AKR1C8: variants seen among roughly 807,000 people sequenced by gnomAD.
The protein encoded by AKR1C8 is aldo-keto reductase family 1 member C8, also known as aldo-keto reductase family 1 member C-like protein 1.
At chr10:5,150,119 C>T in the AKR1C8 span, among the ~76,000 whole-genome samples, 10 of 151,350 alleles carry the variant, frequency 6.6e-5, no homozygotes, top group Non-Finnish European at 2.9e-5. Flanking sequence ...TAGCTCTTCA[C>T]TGAGGGGATT....
the AKR1C8 span, among the ~76,000 whole-genome samples, chr10:5,144,172 T>G: frequency 2.0e-5 from 3 of 152,128 alleles, no homozygotes; most frequent in Non-Finnish European, 4.4e-5. Flanking sequence ...TTGTCAAAGA[T>G]CAGATAGTTG....
the AKR1C8 span, among the ~76,000 whole-genome samples, chr10:5,153,291 G>T: frequency 6.6e-6 from 1 of 152,094 alleles, no homozygotes; most frequent in African/African-American, 2.4e-5. Context: ...CGAAATGTGG[G>T]TAGATGATTA....
the AKR1C8 span, among the ~76,000 whole-genome samples, chr10:5,177,959 T>C: frequency 1.3e-5 from 2 of 152,140 alleles, no homozygotes; most frequent in Non-Finnish European, 2.9e-5. Context: ...TTTTGAAGGG[T>C]TTTTTGTGTC....
chr10:5,142,038 T>C, the AKR1C8 span, among the ~76,000 whole-genome samples: 1,259 of 152,266 alleles, frequency 8.3e-3, 14 homozygotes, highest in African/African-American at 0.029. Flanking sequence ...GTCGCTTTCA[T>C]TAATGATCTT....
chr10:5,171,651 T>C, the AKR1C8 span, among the ~76,000 whole-genome samples: 2 of 152,080 alleles, frequency 1.3e-5, no homozygotes, highest in Non-Finnish European at 2.9e-5. Context: ...AGACTCTTTT[T>C]AACCCTTTAT....
At chr10:5,163,731 G>A in the AKR1C8 span, among the ~76,000 whole-genome samples, 1 of 152,058 alleles carries the variant, frequency 6.6e-6, no homozygotes, top group Non-Finnish European at 1.5e-5. Flanking sequence ...ACAAATCTCT[G>A]GCCCATTCGG....
At chr10:5,155,589 T>A in the AKR1C8 span, 1 of 365,464 alleles carries the variant, frequency 2.7e-6, no homozygotes, top group Non-Finnish European at 5.7e-6. Context: ...TTTGGGCCTG[T>A]CTTCCTGATG....
the AKR1C8 span, chr10:5,159,998 T>C: frequency 1.3e-5 from 6 of 463,150 alleles, no homozygotes; most frequent in Admixed American, 1.5e-4. Flanking sequence ...TTTGCACTTC[T>C]CCAGGGCCTG....
the AKR1C8 span, chr10:5,159,764 G>A: frequency 1.1e-4 from 49 of 465,754 alleles, no homozygotes; most frequent in African/African-American, 9.4e-4. Flanking sequence ...TCCTATTTCT[G>A]AGAGAAAAGA....
chr10:5,135,213 T>C, the AKR1C8 span: 7 of 223,912 alleles, frequency 3.1e-5, no homozygotes, highest in Non-Finnish European at 7.0e-5. Flanking sequence ...CACACACTGA[T>C]ATTTGGGATC....
chr10:5,144,336 A>C, the AKR1C8 span, among the ~76,000 whole-genome samples: 1 of 152,200 alleles, frequency 6.6e-6, no homozygotes, highest in Non-Finnish European at 1.5e-5. Flanking sequence ...CTTTTGGCTT[A>C]GGATTGACTT....
chr10:5,180,518 G>C, the AKR1C8 span, among the ~76,000 whole-genome samples: 1 of 152,138 alleles, frequency 6.6e-6, no homozygotes, highest in Non-Finnish European at 1.5e-5. Context: ...TGTCAGACAG[G>C]GACATTTAAG....
At chr10:5,167,243 A>T in the AKR1C8 span, among the ~76,000 whole-genome samples, 4,782 of 152,292 alleles carry the variant, frequency 0.031, 253 homozygotes, top group African/African-American at 0.11. Flanking sequence ...TCAGGGATCT[A>T]GAACTAGAAA....
chr10:5,132,875 T>C, the AKR1C8 span: 1 of 495,284 alleles, frequency 2.0e-6, no homozygotes, highest in East Asian at 3.8e-5. Context: ...GCATCTTGGG[T>C]TAGTTCTATA....
At chr10:5,166,261 T>C in the AKR1C8 span, among the ~76,000 whole-genome samples, 1 of 151,990 alleles carries the variant, frequency 6.6e-6, no homozygotes. Context: ...TACCAATGAC[T>C]TTCTTCACAG....
At chr10:5,154,112 TGTG>T in the AKR1C8 span, 4 of 465,870 alleles carry the variant, frequency 8.6e-6, no homozygotes, top group South Asian at 6.3e-5. Flanking sequence ...AGGAGGAAAT[TGTG>T]GTGGTAATGT....
the AKR1C8 span, among the ~76,000 whole-genome samples, chr10:5,119,186 A>G: frequency 7.9e-5 from 12 of 152,226 alleles, no homozygotes; most frequent in Admixed American, 7.9e-4. Flanking sequence ...CACAATGAAT[A>G]TTCAATAAAG....
the AKR1C8 span, among the ~76,000 whole-genome samples, chr10:5,165,270 T>A: frequency 6.6e-6 from 1 of 152,174 alleles, no homozygotes; most frequent in Non-Finnish European, 1.5e-5. Flanking sequence ...TTAGTTTTTT[T>A]TCCACTGTGG....
chr10:5,184,490 C>A, the AKR1C8 span, among the ~76,000 whole-genome samples: 1 of 152,160 alleles, frequency 6.6e-6, no homozygotes, highest in Non-Finnish European at 1.5e-5. Flanking sequence ...ATACTTCCAG[C>A]CCCAATAACC....
Sources: gnomAD v4.1 joint callset for allele counts (sites outside exome capture counted in the v4.1 genomes callset) on GRCh38, gnomAD v4.1.1 for gene constraint, MANE v1.5 for transcripts, NCBI Gene and HGNC (gene_info 2026-07-23, HGNC 2026-07-21) for gene names.